The following NDUFAF6 variants were observed in gnomAD, a reference collection of about 807,000 sequenced individuals.
The protein encoded by NDUFAF6 is NADH dehydrogenase (ubiquinone) complex I, assembly factor 6.
In NDUFAF6, 45 loss-of-function variants were observed where a neutral mutation model predicts 40.8. That is an observed-to-expected ratio of 1.10 (90% CI 0.87 to 1.42). The LOEUF (loss-of-function observed/expected upper bound fraction) is 1.42, where lower values mean the gene tolerates loss of function less well. NDUFAF6 is among the 40% of genes most tolerant of loss of function. The pLI is 0.00. For missense variants in NDUFAF6, 435 were observed against 418.5 expected (o/e 1.04, Z -0.34); for synonymous variants, 185 against 155.9 (o/e 1.19, Z -1.39).
At chr8:94,933,420 T>C (rs1820627271) in intron 1 of NDUFAF6, among the ~76,000 whole-genome samples, 1 of 151,940 alleles carries the variant, frequency 6.6e-6, no homozygotes, top group African/African-American at 2.4e-5. Context: ...GAAGAAGAAA[T>C]CTACTGAAAC....
chr8:95,075,682 G>T, exon 10 of NDUFAF6: 1 of 1,288,272 alleles, frequency 7.8e-7, no homozygotes, highest in Non-Finnish European at 1.0e-6. Flanking sequence ...CAGCCAGCCA[G>T]CCTGGGAAAA....
chr8:94,967,215 A>C (rs911152473), intron 1 of NDUFAF6, among the ~76,000 whole-genome samples: 3 of 152,220 alleles, frequency 2.0e-5, no homozygotes, highest in Admixed American at 2.0e-4. Flanking sequence ...TAGCCAAAAC[A>C]ATTTACAGGT....
intron 1 of NDUFAF6, among the ~76,000 whole-genome samples, chr8:94,910,353 A>C (rs1343204379): frequency 6.6e-6 from 1 of 152,076 alleles, no homozygotes; most frequent in African/African-American, 2.4e-5. Context: ...GGGTTTCACC[A>C]TGTTGGCCAG....
Position 95,071,200 on chromosome 8 carries a change from C to A in NDUFAF6, c.*512-4433C>A, listed in dbSNP as rs571215218. ...GGTCAGGAAATCAAGACCATCCTGG[C>A]TAACACGGTGAAAACCCGTCTCTAC... On this transcript the variant is annotated intron_variant and NMD_transcript_variant, in intron 9 of 9. Transcript: ENST00000520757. Among the ~76,000 whole-genome samples, 18 of 150,092 alleles carry A rather than the reference C, an allele frequency of 1.2e-4. 1 individual carries two copies. In the South Asian group the frequency reaches 3.6e-3, roughly 30 times the overall value.
At chr8:95,117,140 C>T (rs899163507), downstream of NDUFAF6, among the ~76,000 whole-genome samples, 10 of 152,124 alleles carry the variant, frequency 6.6e-5, no homozygotes, top group African/African-American at 2.4e-4. Flanking sequence ...ACTGGAGTTG[C>T]GGGGGAATTA....
At chr8:95,036,468 T>C (rs1587060792) in intron 3 of NDUFAF6, 1 of 1,289,340 alleles carries the variant, frequency 7.8e-7, no homozygotes, top group East Asian at 5.6e-5. Flanking sequence ...CAACTGGGGA[T>C]TGAGAAGAAA....
At chr8:95,099,179 G>A (rs1163089025), upstream of NDUFAF6, among the ~76,000 whole-genome samples, 1 of 152,102 alleles carries the variant, frequency 6.6e-6, no homozygotes, top group Non-Finnish European at 1.5e-5. Flanking sequence ...TGTTGAGGCT[G>A]CAGTGAGCTG....
intron 2 of NDUFAF6, among the ~76,000 whole-genome samples, chr8:94,993,710 A>G (rs1056580368): frequency 1.3e-5 from 2 of 152,214 alleles, no homozygotes; most frequent in African/African-American, 4.8e-5. Flanking sequence ...CTGCAATTGC[A>G]TGAGTAAGCC....
intron 1 of NDUFAF6, among the ~76,000 whole-genome samples, chr8:95,029,353 C>T (rs551419436): frequency 9.7e-6 from 1 of 102,858 alleles, no homozygotes; most frequent in African/African-American, 3.9e-5. Flanking sequence ...AGCCAATATA[C>T]TCTTTAGCAG....
intron 2 of NDUFAF6, among the ~76,000 whole-genome samples, chr8:94,948,800 C>G (rs1466561575): frequency 6.6e-6 from 1 of 151,948 alleles, no homozygotes; most frequent in Non-Finnish European, 1.5e-5. Flanking sequence ...GGAGGAGGTC[C>G]CGCCGCGGCC....
chr8:94,993,745 C>T (rs1236637059), intron 2 of NDUFAF6, among the ~76,000 whole-genome samples: 1 of 152,150 alleles, frequency 6.6e-6, no homozygotes, highest in African/African-American at 2.4e-5. Context: ...TAAAGAAGTG[C>T]CCATCCAGCC....
At chr8:94,976,265 G>A (rs1824923696) in intron 1 of NDUFAF6, among the ~76,000 whole-genome samples, 1 of 151,952 alleles carries the variant, frequency 6.6e-6, no homozygotes, top group Non-Finnish European at 1.5e-5. Flanking sequence ...CGGCACTTTG[G>A]GAGGCAGAGG....
At chr8:95,097,235 C>A (rs888658598), upstream of NDUFAF6, among the ~76,000 whole-genome samples, 13 of 152,194 alleles carry the variant, frequency 8.5e-5, no homozygotes, top group Non-Finnish European at 1.5e-5. Flanking sequence ...AGGCTTCATT[C>A]CTTGACAACA....
upstream of NDUFAF6, among the ~76,000 whole-genome samples, chr8:94,955,580 A>C (rs1823005282): frequency 6.6e-6 from 1 of 152,258 alleles, no homozygotes; most frequent in African/African-American, 2.4e-5. Context: ...TCTAATCACC[A>C]TGTGGAAATA....
upstream of NDUFAF6, among the ~76,000 whole-genome samples, chr8:95,097,517 G>A (rs1386941900): frequency 6.6e-6 from 1 of 152,176 alleles, no homozygotes; most frequent in Non-Finnish European, 1.5e-5. Flanking sequence ...GGCCAGCATG[G>A]TGAAACCCTG....
chr8:95,045,195 TAAG>T (rs975013531), intron 4 of NDUFAF6, among the ~76,000 whole-genome samples: 1 of 152,156 alleles, frequency 6.6e-6, no homozygotes, highest in African/African-American at 2.4e-5. Context: ...TTGTTTGGGT[TAAG>T]AAGATAATGT....
chr8:95,092,820 A>C (rs1378053193), intron 2 of NDUFAF6, among the ~76,000 whole-genome samples: 2 of 152,234 alleles, frequency 1.3e-5, no homozygotes, highest in Non-Finnish European at 1.5e-5. Flanking sequence ...TCCTGACCTC[A>C]TGATCGGCCT....
Position 95,007,751 on chromosome 8 carries a change from G to A in NDUFAF6, c.-83-24244G>A, listed in dbSNP as rs189271105. ...CAATTTTATGTATTTATTTATTTAA[G>A]TCAGGGTCTCCTCTGTTGCCCAGGC... On this transcript the variant is annotated intron_variant, in intron 2 of 9. Transcript: ENST00000396111. 5.5e-4 allele frequency among the ~76,000 whole-genome samples: 79 copies of A among 144,866 alleles called. No homozygotes were observed. The South Asian group carries it at 0.011, about 20-fold the overall frequency.
intron 2 of NDUFAF6, among the ~76,000 whole-genome samples, chr8:95,018,053 AT>A (rs891921266): frequency 6.6e-6 from 1 of 151,534 alleles, no homozygotes; most frequent in Admixed American, 6.6e-5. Context: ...GCTTCAGAAT[AT>A]TTTTTTTTCT....
Sources: allele counts gnomAD v4.1 joint callset (sites outside exome capture counted in the v4.1 genomes callset), GRCh38; gene constraint gnomAD v4.1.1; transcripts MANE v1.5; gene names NCBI Gene and HGNC (gene_info 2026-07-23, HGNC 2026-07-21).